Variants in NAV2 observed in about 807,000 individuals in gnomAD.
The protein encoded by NAV2 is neuron navigator 2.
NAV2 carries 54 observed loss-of-function variants against 223.2 expected under a neutral mutation model. That is an observed-to-expected ratio of 0.24 (90% CI 0.19 to 0.30). NAV2 has a LOEUF of 0.30. Among genes scored for constraint, NAV2 ranks in the 10% least tolerant of loss-of-function variants. The pLI is 1.00. For missense variants in NAV2, 2,806 were observed against 3,147.5 expected, an observed-to-expected ratio of 0.89 and a Z score of 2.60; for synonymous variants, 1,279 against 1,239.3, an observed-to-expected ratio of 1.03 and a Z score of -0.67.
intron 3 of NAV2, among the ~76,000 whole-genome samples, chr11:19,851,444 G>T (rs1180801687): frequency 6.6e-6 from 1 of 152,134 alleles, no homozygotes; most frequent in African/African-American, 2.4e-5. Context: ...ATAAGCATGG[G>T]CTCTGGGATC....
intron 4 of NAV2, among the ~76,000 whole-genome samples, chr11:19,876,595 T>A (rs967135472): frequency 1.3e-5 from 2 of 152,034 alleles, no homozygotes; most frequent in Admixed American, 6.6e-5. Flanking sequence ...ATGAAAAAAA[T>A]GGTTTAGGGA....
intron 24 of NAV2, among the ~76,000 whole-genome samples, chr11:20,078,488 T>C (rs528875470): frequency 1.3e-5 from 2 of 152,242 alleles, no homozygotes; most frequent in Non-Finnish European, 2.9e-5. Flanking sequence ...TGAGACACTC[T>C]TGCTCTGTCA....
At chr11:19,545,825 AATGC>A (rs566935126) in intron 1 of NAV2, among the ~76,000 whole-genome samples, 85 of 152,254 alleles carry the variant, frequency 5.6e-4, no homozygotes, top group African/African-American at 1.8e-3. Flanking sequence ...GGCCCAAGAC[AATGC>A]TTCTTCTTCC....
rs141138254 is a variant in NAV2, at chr11:19,607,168, C to T, written c.76-225316C>T. On this transcript the variant is annotated intron_variant, in intron 1 of 37. Transcript: ENST00000360655. ...TGAAGAAGTTGCAGTGGAGATGGCT[C>T]CTACCATCCTTTCCAGTTGGATCTT... 2.8e-3 allele frequency among the ~76,000 whole-genome samples: 420 copies of T among 152,306 alleles called. 5 individuals carry two copies. Among genetic ancestry groups the T allele is most frequent in the African/African-American group, 9.8e-3 (406 of 41,552 alleles).
intron 1 of NAV2, among the ~76,000 whole-genome samples, chr11:19,630,541 C>T (rs1176362302): frequency 6.6e-6 from 1 of 152,118 alleles, no homozygotes; most frequent in Non-Finnish European, 1.5e-5. Flanking sequence ...ACCCAGATTG[C>T]TCCTTCTTGC....
intron 1 of NAV2, among the ~76,000 whole-genome samples, chr11:19,477,822 G>A (rs781177585): frequency 3.9e-5 from 6 of 152,144 alleles, no homozygotes; most frequent in African/African-American, 9.7e-5. Context: ...AGAGATTAGG[G>A]CATTGCCTGA....
chr11:19,603,757 T>G (rs2046409824), intron 1 of NAV2, among the ~76,000 whole-genome samples: 1 of 151,684 alleles, frequency 6.6e-6, no homozygotes, highest in African/African-American at 2.4e-5. Flanking sequence ...GGAACAAAGA[T>G]GTATAACATT....
intron 10 of NAV2, among the ~76,000 whole-genome samples, chr11:19,958,481 G>A (rs1436221767): frequency 6.6e-6 from 1 of 152,188 alleles, no homozygotes; most frequent in East Asian, 1.9e-4. Flanking sequence ...TTACCATAAG[G>A]TGAGGGTCGG....
chr11:19,871,694 A>G (rs1373779285), intron 4 of NAV2, among the ~76,000 whole-genome samples: 1 of 152,176 alleles, frequency 6.6e-6, no homozygotes, highest in Non-Finnish European at 1.5e-5. Flanking sequence ...TGGAACTGCA[A>G]GGCCTCCTGT....
intron 10 of NAV2, among the ~76,000 whole-genome samples, chr11:19,955,339 G>A (rs2047758441): frequency 6.6e-6 from 1 of 151,956 alleles, no homozygotes; most frequent in Non-Finnish European, 1.5e-5. Context: ...GCAGCGAGCT[G>A]TGATTACACC....
At chr11:19,401,135 T>C (rs2702667) in intron 1 of NAV2, among the ~76,000 whole-genome samples, 148,378 of 152,306 alleles carry the variant, frequency 0.97, 72,374 homozygotes, top group East Asian at 1. Flanking sequence ...GAGACGTTTG[T>C]GGGTTGTAGC....
rs780265769 is a variant in NAV2 at position 20,114,702 on chromosome 11, G to T, written c.7071G>T (p.Arg2357=). 6.2e-7 allele frequency: 1 copy of T among 1,614,178 alleles called. No individual in the cohort carries two copies. Among genetic ancestry groups the T allele is most frequent in the Admixed American group, 1.7e-5 (1 of 60,018 alleles). The change falls in exon 37 of 38, where the codon CGG becomes CGT. Residue 2357 remains arginine (R), a synonymous_variant. Transcript: ENST00000349880. The part of the protein sequence containing the change: ...QHEWPPLLQL[R]PEDVGFDGYS... The stretch of plus-strand genomic sequence containing the variant: ...AGTGGCCTCCCCTGCTGCAGTTACG[G>T]CCTGAGGATGTCGGCTTCGACGGCT...
At chr11:20,075,385 A>G (rs1270905037) in intron 22 of NAV2, among the ~76,000 whole-genome samples, 4 of 149,822 alleles carry the variant, frequency 2.7e-5, no homozygotes, top group Non-Finnish European at 4.4e-5. Flanking sequence ...CACCATGCCC[A>G]GCTAGTTTTT....
Position 19,933,275 on chromosome 11 carries a change from C to T in NAV2, c.1031C>T (p.Thr344Ile). The T allele has an allele frequency of 6.2e-7, 1 of 1,613,068 alleles. No homozygotes were observed. Among genetic ancestry groups the T allele is most frequent in the Non-Finnish European group, 8.5e-7 (1 of 1,179,526 alleles). The change falls in exon 7 of 38, where the codon ACC becomes ATC. Residue 344 changes from threonine (T) to isoleucine (I), a missense_variant. Around this residue, in one of 4 missense-constraint regions of NAV2, gnomAD observed 1,167 missense variants for 1,180.5 expected, o/e 0.99. Transcript: ENST00000349880. This position sits in a 1 kb window ranked among gnomAD's most constrained non-coding sequence, Gnocchi z 4.3. ...AGCTCCACCCCTACTAATTGCAGTA[C>T]CTCCTCGGCCATCCCGCAGCCCGGT... ...GSSSTPTNCSTSSAIPQPGAA... is the reference protein window; with the variant it reads ...GSSSTPTNCSISSAIPQPGAA...
At chr11:19,610,710 ATGGATGGATGGATAAG>A (rs2046614508) in intron 1 of NAV2, among the ~76,000 whole-genome samples, 1 of 152,022 alleles carries the variant, frequency 6.6e-6, no homozygotes, top group African/African-American at 2.4e-5. Flanking sequence ...AGATGGATGG[ATGGATGGATGGATAAG>A]TGGATGGATG....
intron 1 of NAV2, among the ~76,000 whole-genome samples, chr11:19,467,417 T>C (rs1852407211): frequency 6.6e-6 from 1 of 152,246 alleles, no homozygotes; most frequent in Non-Finnish European, 1.5e-5. Flanking sequence ...GAGAAGATTT[T>C]TAGAAGTAAG....
chr11:19,443,481 A>G (rs1851475544), intron 1 of NAV2, among the ~76,000 whole-genome samples: 1 of 152,226 alleles, frequency 6.6e-6, no homozygotes, highest in African/African-American at 2.4e-5. Flanking sequence ...TTTTGCAGAA[A>G]GTCCCACATG....
intron 1 of NAV2, 123 bp from the exon 2 acceptor site, chr11:19,832,361 G>T (rs2059992499): frequency 2.8e-6 from 2 of 726,146 alleles, no homozygotes; most frequent in African/African-American, 3.5e-5. Flanking sequence ...TTTTAATGGT[G>T]CTGGCTGGCC....
intron 1 of NAV2, chr11:19,777,704 A>G (rs992981495): frequency 5.0e-6 from 2 of 398,292 alleles, no homozygotes; most frequent in Non-Finnish European, 1.0e-5. Context: ...TAAACCAGGA[A>G]AGTCGATGTG....
Sources: allele counts gnomAD v4.1 joint callset (sites outside exome capture counted in the v4.1 genomes callset), GRCh38; gene constraint gnomAD v4.1.1; regional missense constraint gnomAD v4.1.1; non-coding constraint Gnocchi (gnomAD v3.1); transcripts MANE v1.5; gene names NCBI Gene and HGNC (gene_info 2026-07-23, HGNC 2026-07-21).